NALCN: variants seen among roughly 807,000 people sequenced by gnomAD.
The protein encoded by NALCN is sodium leak channel NALCN.
A neutral mutation model predicts 225.3 loss-of-function variants in NALCN; 111 were observed. That is an observed-to-expected ratio of 0.49 (90% confidence interval 0.42 to 0.58). The LOEUF (loss-of-function observed/expected upper bound fraction) is 0.58, where lower values mean the gene tolerates loss of function less well. Ranked by LOEUF, NALCN falls within the 20% of genes least tolerant of loss-of-function variation. The probability of loss-of-function intolerance (pLI) is 0.00; values close to 1 mark genes in which losing one functional copy is unlikely to be tolerated. For synonymous variants in NALCN, 764 were observed against 769.0 expected, an observed-to-expected ratio of 0.99 and a Z score of 0.11; for missense variants, 1,378 against 2,202.4, an observed-to-expected ratio of 0.63 and a Z score of 7.49.
chr13:101,226,938 T>G (rs542425382), intron 13 of NALCN, among the ~76,000 whole-genome samples: 1 of 152,104 alleles, frequency 6.6e-6, no homozygotes, highest in Non-Finnish European at 1.5e-5. Context: ...CCTCCCTAGG[T>G]GCAGGAATGG....
intron 39 of NALCN, among the ~76,000 whole-genome samples, chr13:101,066,485 C>A (rs1336892356): frequency 6.6e-6 from 1 of 150,710 alleles, no homozygotes; most frequent in East Asian, 1.9e-4. Context: ...CACCATGCCC[C>A]CTGGCTGTAT....
intron 18 of NALCN, among the ~76,000 whole-genome samples, chr13:101,121,482 C>T (rs189182673): frequency 1.6e-4 from 24 of 152,200 alleles, no homozygotes; most frequent in Non-Finnish European, 2.8e-4. Context: ...TGATATTTGC[C>T]GGAATGATCC....
chr13:101,143,130 C>T lies in NALCN; in HGVS notation c.2068G>A (p.Asp690Asn), dbSNP rs374463932. 9.3e-6 allele frequency: 15 copies of T among 1,613,916 alleles called. No homozygotes were observed. Among genetic ancestry groups the T allele is most frequent in the African/African-American group, 2.7e-5 (2 of 74,864 alleles). ...SLPTTSSSSC[D>N]HSKRSAIEDN... Reference sequence around the variant, plus strand: ...TCAATTGCTGAGCGTTTGGAGTGGTCGCAGGAGGAGGAAGAGGTGGTCGGG... The same window carrying T: ...TCAATTGCTGAGCGTTTGGAGTGGTTGCAGGAGGAGGAAGAGGTGGTCGGG... The change falls in exon 17 of 44, where the codon GAC (aspartate) becomes AAC (asparagine). Residue 690 changes from aspartate (D) to asparagine (N), a missense_variant. Physicochemically the swap from Asp to Asn is conservative, Grantham distance 23 (BLOSUM62 1). Coordinates refer to ENST00000251127, the MANE Select transcript of NALCN (RefSeq NM_052867.4).
chr13:101,183,460 GTGAT>G (rs901825811), intron 14 of NALCN, among the ~76,000 whole-genome samples: 6 of 151,916 alleles, frequency 3.9e-5, no homozygotes, highest in African/African-American at 1.2e-4. Flanking sequence ...TTTCTATTGA[GTGAT>G]TGATTGATTG....
chr13:101,400,588 T>TGCGCGC (rs1455284110), intron 1 of NALCN, among the ~76,000 whole-genome samples: 2 of 129,144 alleles, frequency 1.5e-5, no homozygotes, highest in African/African-American at 6.4e-5. Context: ...TGTGCACGTG[T>TGCGCGC]GTGCGCGCGC....
chr13:101,244,867 T>A (rs78747479), intron 11 of NALCN, among the ~76,000 whole-genome samples: 2,123 of 152,292 alleles, frequency 0.014, 68 homozygotes, highest in African/African-American at 0.048. Flanking sequence ...CACTTCTCAA[T>A]GTGCAGCTCC....
At chr13:101,346,087 CTATATA>C (rs71121188) in intron 6 of NALCN, among the ~76,000 whole-genome samples, 142 of 70,962 alleles carry the variant, frequency 2.0e-3, no homozygotes, top group African/African-American at 7.1e-3. Flanking sequence ...CTCTCTCTCT[CTATATA>C]TATATATATA....
rs951676142 is a variant in NALCN, at chr13:101,118,399, C to T, written c.2192+6209G>A. Among the ~76,000 whole-genome samples the T allele has an allele frequency of 9.2e-5, 14 of 151,990 alleles. No individual in the cohort carries two copies. The South Asian group carries it at 1.0e-3, about 11-fold the overall frequency. On this transcript the variant is annotated intron_variant, in intron 18 of 43. Transcript: ENST00000251127. ...ATAAAATATAACATATTTTGATTAC[C>T]GCAAATCAGGTACTATCTAAAAATG...
At chr13:101,306,753 T>C (rs961970953) in intron 7 of NALCN, among the ~76,000 whole-genome samples, 5 of 152,220 alleles carry the variant, frequency 3.3e-5, no homozygotes, top group African/African-American at 4.8e-5. Context: ...ACCATTTTAC[T>C]GATACAGAAA....
chr13:101,069,951 C>A (rs1438198691), intron 37 of NALCN, among the ~76,000 whole-genome samples: 10 of 152,120 alleles, frequency 6.6e-5, no homozygotes, highest in Non-Finnish European at 1.0e-4. Context: ...GCAGCGACCT[C>A]CTTCACTGAA....
chr13:101,152,835 T>C (rs1468267398), intron 15 of NALCN, among the ~76,000 whole-genome samples: 3 of 152,146 alleles, frequency 2.0e-5, no homozygotes, highest in Non-Finnish European at 4.4e-5. Flanking sequence ...TACTGAGTCA[T>C]AGAAATATGC....
At chr13:101,337,788 A>C (rs1041762400) in intron 7 of NALCN, among the ~76,000 whole-genome samples, 1 of 152,186 alleles carries the variant, frequency 6.6e-6, no homozygotes, top group Non-Finnish European at 1.5e-5. Context: ...AAGGTTACTC[A>C]TGGCTGGCTA....
At chr13:101,368,438 A>G (rs2139390578) in intron 6 of NALCN, 1 of 152,108 alleles carries the variant, frequency 6.6e-6, no homozygotes, top group South Asian at 2.1e-4. Context: ...AGTCTTTGCT[A>G]TTGTGAATAG....
chr13:101,167,722 C>T (rs896809483), intron 15 of NALCN, among the ~76,000 whole-genome samples: 1 of 88,934 alleles, frequency 1.1e-5, no homozygotes, highest in African/African-American at 3.2e-5. Flanking sequence ...CCTGTAATCC[C>T]AGCTACTTGG....
Position 101,111,311 on chromosome 13 carries a change from T to C in NALCN, c.2193-85A>G, listed in dbSNP as rs1208461632. The C allele has an allele frequency of 2.0e-5, 24 of 1,183,846 alleles. No individual in the cohort carries two copies. In the East Asian group the frequency reaches 5.5e-4, roughly 27 times the overall value. The allele number at this position is 1,183,846 out of a possible 1,614,324, so 73.3% of individuals were successfully genotyped here. A position where few individuals can be genotyped will look rare whatever the true frequency, so the allele number is the denominator to read the frequency against. On this transcript the variant is annotated intron_variant, in intron 18 of 43. Transcript: ENST00000251127. ...ACATAAGTGCTCATTACTTTTATTA[T>C]TTTAAAGGCAACACCAATGAAAACA...
At chr13:101,068,451 C>T (rs1273064258) in intron 38 of NALCN, among the ~76,000 whole-genome samples, 1 of 152,096 alleles carries the variant, frequency 6.6e-6, no homozygotes, top group African/African-American at 2.4e-5. Context: ...CAACTCAATC[C>T]ATGAGAAGAG....
intron 7 of NALCN, among the ~76,000 whole-genome samples, chr13:101,325,439 C>G (rs1465869375): frequency 6.6e-6 from 1 of 152,190 alleles, no homozygotes; most frequent in Non-Finnish European, 1.5e-5. Flanking sequence ...CACAACGATT[C>G]ACAAATCCTC....
chr13:101,058,762 C>G (rs1338692174), intron 42 of NALCN: 1 of 151,924 alleles, frequency 6.6e-6, no homozygotes, highest in Non-Finnish European at 1.5e-5. Flanking sequence ...CCCTGTCTCA[C>G]TGTCTGTCCT....
intron 15 of NALCN, among the ~76,000 whole-genome samples, chr13:101,154,067 G>A (rs2037784935): frequency 6.6e-6 from 1 of 152,098 alleles, no homozygotes; most frequent in Admixed American, 6.5e-5. Context: ...AATAACAACT[G>A]GTAGGTGAAG....
Sources: gnomAD v4.1 joint callset for allele counts (sites outside exome capture counted in the v4.1 genomes callset) on GRCh38, gnomAD v4.1.1 for gene constraint, MANE v1.5 for transcripts, NCBI Gene and HGNC (gene_info 2026-07-23, HGNC 2026-07-21) for gene names.